The following EPB41 variants were observed in gnomAD, a reference collection of about 807,000 sequenced individuals.
EPB41 encodes the protein erythrocyte membrane protein band 4.1.
EPB41 carries 65 observed loss-of-function variants against 108.0 expected under a neutral mutation model. That is an observed-to-expected ratio of 0.60 (90% CI 0.49 to 0.74). The LOEUF is 0.74. Among genes scored for constraint, EPB41 ranks in the 30% least tolerant of loss-of-function variants. The pLI is 0.00. For synonymous variants in EPB41, 336 were observed against 358.9 expected (o/e 0.94, Z 0.72); for missense variants, 875 against 1,037.0 (o/e 0.84, Z 2.15).
intron 1 of EPB41, among the ~76,000 whole-genome samples, chr1:28,944,026 C>A (rs2094402800): frequency 6.6e-6 from 1 of 152,078 alleles, no homozygotes; most frequent in African/African-American, 2.4e-5. Flanking sequence ...TACTATTCAA[C>A]CATAAAAAGA....
At chr1:29,090,175 A>C (rs922605047) in intron 16 of EPB41, among the ~76,000 whole-genome samples, 3 of 152,182 alleles carry the variant, frequency 2.0e-5, no homozygotes, top group African/African-American at 7.2e-5. Context: ...AGGCAAGAGA[A>C]TCACTTGAAC....
Position 29,035,857 on chromosome 1 carries a change from A to C in EPB41, c.1397A>C (p.Lys466Thr). 1 of 1,614,078 alleles carries C rather than the reference A, an allele frequency of 6.2e-7. No homozygotes were observed. Among genetic ancestry groups the C allele is most frequent in the Non-Finnish European group, 8.5e-7 (1 of 1,179,946 alleles). ...QEQYESTIGF[K>T]LPSYRAAKKL... ...CAGTATGAAAGTACCATCGGATTCA[A>C]ACTTCCCAGTTACCGAGCAGCTAAG... is the stretch of plus-strand genomic sequence containing the variant. The change falls in exon 10 of 21, where the codon AAA (lysine) becomes ACA (threonine). Residue 466 changes from lysine (K) to threonine (T), a missense_variant. Physicochemically the swap from Lys to Thr is moderately conservative, Grantham distance 78. Transcript: ENST00000343067.
Position 29,018,126 on chromosome 1 carries a change from C to G in EPB41, c.906-98C>G. 4.9e-6 allele frequency: 5 copies of G among 1,022,688 alleles called. No individual in the cohort carries two copies. The highest frequency in any genetic ancestry group is 7.4e-6 in the Non-Finnish European group (5 of 675,260). The allele number at this position is 1,022,688 out of a possible 1,614,324, so 63.4% of individuals were successfully genotyped here. A position where few individuals can be genotyped will look rare whatever the true frequency, so the allele number is the denominator to read the frequency against. On this transcript the variant is annotated intron_variant, in intron 6 of 20. Transcript: ENST00000343067. This position sits in a 1 kb window ranked among gnomAD's most constrained non-coding sequence, Gnocchi z 4.4. ...CTTTTCTTCTGTGTCCTTATTTTTT[C>G]TCTCTCTCCCTTTCTGTTTCTCCCC...
chr1:28,928,373 C>T (rs573640482), intron 1 of EPB41, among the ~76,000 whole-genome samples: 13 of 152,284 alleles, frequency 8.5e-5, no homozygotes, highest in African/African-American at 3.1e-4. Flanking sequence ...ACAGGCCCCA[C>T]TTCTTTCATG....
intron 1 of EPB41, among the ~76,000 whole-genome samples, chr1:28,891,528 C>T (rs74067227): frequency 0.035 from 5,368 of 152,210 alleles, 328 homozygotes; most frequent in African/African-American, 0.12. Context: ...GAAGTGGCAC[C>T]CCTGAGGACA....
intron 1 of EPB41, among the ~76,000 whole-genome samples, chr1:28,984,622 T>C (rs1291606961): frequency 6.6e-6 from 1 of 152,074 alleles, no homozygotes; most frequent in Non-Finnish European, 1.5e-5. Context: ...TTATCAGATA[T>C]ATTCAGTGAA....
intron 16 of EPB41, among the ~76,000 whole-genome samples, chr1:29,081,486 C>T (rs998796581): frequency 3.9e-5 from 6 of 152,178 alleles, no homozygotes; most frequent in Admixed American, 3.9e-4. Context: ...TTGGGTAAAC[C>T]TTCTCTTAAC....
intron 3 of EPB41, among the ~76,000 whole-genome samples, chr1:28,996,883 C>T (rs2096190613): frequency 6.6e-6 from 1 of 152,004 alleles, no homozygotes. Flanking sequence ...ACCTGTAATC[C>T]CAGCACGTTG....
intron 1 of EPB41, among the ~76,000 whole-genome samples, chr1:28,946,678 A>G (rs2094499849): frequency 6.6e-6 from 1 of 152,182 alleles, no homozygotes; most frequent in Non-Finnish European, 1.5e-5. Flanking sequence ...TGAAGTAGTA[A>G]CTGCATTTTG....
At chr1:28,946,708 C>T (rs2094500635) in intron 1 of EPB41, among the ~76,000 whole-genome samples, 1 of 152,100 alleles carries the variant, frequency 6.6e-6, no homozygotes, top group African/African-American at 2.4e-5. Flanking sequence ...TATACTCCTC[C>T]CTGCTTCAAT....
chr1:29,059,646 T>TA (rs779858483), intron 14 of EPB41, among the ~76,000 whole-genome samples: 2 of 151,830 alleles, frequency 1.3e-5, no homozygotes, highest in Non-Finnish European at 2.9e-5. Context: ...GGCATGGTGA[T>TA]ACACTCCTGT....
At chr1:28,982,021 A>G (rs2095759692) in intron 1 of EPB41, among the ~76,000 whole-genome samples, 1 of 151,868 alleles carries the variant, frequency 6.6e-6, no homozygotes, top group Non-Finnish European at 1.5e-5. Context: ...CATTAGGTAT[A>G]TCTCCTAATG....
At chr1:28,963,957 G>C (rs2095293293) in intron 1 of EPB41, among the ~76,000 whole-genome samples, 1 of 152,160 alleles carries the variant, frequency 6.6e-6, no homozygotes, top group African/African-American at 2.4e-5. Flanking sequence ...CTGTCATACT[G>C]TCTTTCTTCA....
At chr1:28,949,606 A>AT (rs1189402896) in intron 1 of EPB41, among the ~76,000 whole-genome samples, 3 of 150,236 alleles carry the variant, frequency 2.0e-5, no homozygotes, top group Non-Finnish European at 4.4e-5. Context: ...TTATTTATTT[A>AT]TTTTTATTTT....
chr1:28,904,600 T>G (rs1382063997), intron 1 of EPB41, among the ~76,000 whole-genome samples: 1 of 152,060 alleles, frequency 6.6e-6, no homozygotes, highest in East Asian at 1.9e-4. Flanking sequence ...AGTGCCCTTA[T>G]AAGAAGAGAC....
intron 16 of EPB41, among the ~76,000 whole-genome samples, chr1:29,074,369 G>A (rs1018656713): frequency 4.6e-5 from 7 of 151,796 alleles, no homozygotes; most frequent in Non-Finnish European, 8.8e-5. Flanking sequence ...AAATTACACC[G>A]TTTGTAATAT....
chr1:29,115,808 TGGGCGTTCCTGCTG>T lies in EPB41; in HGVS notation c.*6+10_*6+23del, dbSNP rs747974264. On this transcript the variant is annotated splice_donor_region_variant and intron_variant, in intron 20 of 20. Transcript: ENST00000343067. This position sits in a 1 kb window ranked among gnomAD's most constrained non-coding sequence, Gnocchi z 4.4. The stretch of plus-strand genomic sequence containing the variant: ...ATTGCTGATGAGTGAGCTCAGGTAC[TGGGCGTTCCTGCTG>T]GGGCTGAGGGTGCCCACAGTCCCAG... The T allele has an allele frequency of 3.7e-5, 59 of 1,610,618 alleles. No homozygotes were observed. Among genetic ancestry groups the T allele is most frequent in the Middle Eastern group, 3.3e-4 (2 of 6,022 alleles).
chr1:28,899,608 G>T (rs538504250), intron 1 of EPB41, among the ~76,000 whole-genome samples: 2 of 152,232 alleles, frequency 1.3e-5, no homozygotes, highest in African/African-American at 4.8e-5. Flanking sequence ...ACCATCCTCG[G>T]GAGCTAGGAT....
In EPB41 at chr1:29,039,325, G is replaced by A. The variant is rs773745988; in HGVS notation, c.1535G>A (p.Arg512Gln). 14 of 1,613,954 alleles carry A rather than the reference G, an allele frequency of 8.7e-6. No individual in the cohort carries two copies. The highest frequency in any genetic ancestry group is 3.3e-5 in the Admixed American group (2 of 59,988). ...ALGSKFRYSGRTQAQTRQASA... is the reference protein window; with the variant it reads ...ALGSKFRYSGQTQAQTRQASA... ...GGATCCAAATTTCGATACAGTGGCC[G>A]GACTCAAGCTCAGACCAGGCAAGCT... The change falls in exon 11 of 21, where the codon CGG (arginine) becomes CAG (glutamine). Residue 512 changes from arginine to glutamine, a missense_variant. Transcript: ENST00000343067.
Sources: gnomAD v4.1 joint callset for allele counts (sites outside exome capture counted in the v4.1 genomes callset) on GRCh38, gnomAD v4.1.1 for gene constraint, Gnocchi (gnomAD v3.1) non-coding constraint, MANE v1.5 for transcripts, NCBI Gene and HGNC (gene_info 2026-07-23, HGNC 2026-07-21) for gene names.